Variants in LINGO2 observed in about 807,000 individuals in gnomAD.
LINGO2 encodes the protein leucine-rich repeat and immunoglobulin-like domain-containing nogo receptor-interacting protein 2.
A neutral mutation model predicts 30.6 loss-of-function variants in LINGO2; 14 were observed. The observed-to-expected ratio is 0.46, with a 90% CI of 0.30 to 0.72. LINGO2 has a LOEUF of 0.72. Among genes scored for constraint, LINGO2 ranks in the 30% least tolerant of loss-of-function variants. LINGO2 has a pLI of 0.07. For synonymous variants in LINGO2, 317 were observed against 288.5 expected (o/e 1.10, Z -1.00); for missense variants, 729 against 751.7 (o/e 0.97, Z 0.35).
At chr9:28,197,711 T>G (rs1032959840) in intron 4 of LINGO2, among the ~76,000 whole-genome samples, 2 of 151,796 alleles carry the variant, frequency 1.3e-5, no homozygotes, top group African/African-American at 4.8e-5. Flanking sequence ...GTAAATGAAA[T>G]TTAGAAAAAT....
intron 4 of LINGO2, among the ~76,000 whole-genome samples, chr9:28,196,060 T>G (rs1318685998): frequency 6.6e-6 from 1 of 151,644 alleles, no homozygotes; most frequent in Admixed American, 6.6e-5. Context: ...TTTCTACTGA[T>G]GCAGATAAGT....
the LINGO2 span, among the ~76,000 whole-genome samples, chr9:28,854,480 T>G: frequency 2.0e-5 from 3 of 152,006 alleles, no homozygotes; most frequent in Non-Finnish European, 4.4e-5. Flanking sequence ...TAGATGAGCT[T>G]ATACATTGAA....
chr9:28,629,305 A>T lies in LINGO2; in HGVS notation c.-365+40895T>A, dbSNP rs546658660. On this transcript the variant is annotated intron_variant, in intron 1 of 5. Coordinates refer to ENST00000379992, the Ensembl canonical transcript of LINGO2. ...CCAGGGCACAGAGAATGTATTATAA[A>T]CTGTGCTGAGCTACTTAAATGTATT... is the stretch of plus-strand genomic sequence containing the variant. 7.2e-5 allele frequency among the ~76,000 whole-genome samples: 11 copies of T among 152,198 alleles called. No individual in the cohort carries two copies. The South Asian group carries it at 2.3e-3, about 32-fold the overall frequency.
chr9:28,360,978 T>C (rs1348283942), intron 3 of LINGO2, among the ~76,000 whole-genome samples: 1 of 152,202 alleles, frequency 6.6e-6, no homozygotes, highest in Non-Finnish European at 1.5e-5. Context: ...CAGTTACCCA[T>C]GGTCAACAGC....
chr9:28,639,737 T>G (rs13285408), intron 1 of LINGO2, among the ~76,000 whole-genome samples: 2 of 152,134 alleles, frequency 1.3e-5, no homozygotes, highest in African/African-American at 2.4e-5. Flanking sequence ...GTGGGTCTCC[T>G]GAATATAGCA....
In LINGO2 at chr9:28,632,509, TTC is replaced by T. The variant is rs200594096; in HGVS notation, c.-365+37689_-365+37690del. Among the ~76,000 whole-genome samples the T allele has an allele frequency of 3.4e-3, 511 of 149,810 alleles. 6 individuals are homozygous for T. The highest frequency in any genetic ancestry group is 0.012 in the African/African-American group (495 of 40,980). ...GGTTCTCTTAGAGAGACAGAACTAA[TTC>T]TCTCTCTCTCGATATATAATATATA... is the stretch of plus-strand genomic sequence containing the variant. On this transcript the variant is annotated intron_variant, in intron 1 of 5. Coordinates refer to ENST00000379992, the Ensembl canonical transcript of LINGO2.
chr9:28,060,921 T>G (rs1281015925), intron 4 of LINGO2, among the ~76,000 whole-genome samples: 2 of 152,066 alleles, frequency 1.3e-5, no homozygotes, highest in Non-Finnish European at 2.9e-5. Flanking sequence ...ACGCTGTTTC[T>G]TCTTATAGGA....
intron 3 of LINGO2, among the ~76,000 whole-genome samples, chr9:28,307,464 A>G (rs961290367): frequency 2.0e-5 from 3 of 152,162 alleles, no homozygotes; most frequent in Non-Finnish European, 2.9e-5. Context: ...CAAACCCACA[A>G]CCAATATCAT....
chr9:28,025,019 G>C (rs940099469), intron 4 of LINGO2, among the ~76,000 whole-genome samples: 1 of 152,194 alleles, frequency 6.6e-6, no homozygotes, highest in Admixed American at 6.5e-5. Context: ...CTCAAAGGCA[G>C]TAATCATTTC....
chr9:29,115,802 C>G, the LINGO2 span, among the ~76,000 whole-genome samples: 17 of 152,072 alleles, frequency 1.1e-4, no homozygotes, highest in Middle Eastern at 3.4e-3. Flanking sequence ...ACACACATCA[C>G]ATTTTCAGAA....
At chr9:28,934,031 G>A in the LINGO2 span, among the ~76,000 whole-genome samples, 1 of 152,174 alleles carries the variant, frequency 6.6e-6, no homozygotes, top group Non-Finnish European at 1.5e-5. Flanking sequence ...AGGGACATAA[G>A]GTATAGGGGT....
In LINGO2 at chr9:28,481,285, T is replaced by C. The variant is rs1468867003; in HGVS notation, c.-364-5260A>G. Reference sequence around the variant, plus strand: ...AATTATTAATATCCATATTTTGTAATGAGACAATTGAAACATGGAGATGTT... The same window carrying C: ...AATTATTAATATCCATATTTTGTAACGAGACAATTGAAACATGGAGATGTT... On this transcript the variant is annotated intron_variant, in intron 1 of 5. Transcript: ENST00000379992. Among the ~76,000 whole-genome samples the C allele has an allele frequency of 2.0e-5, 3 of 152,288 alleles. No individual in the cohort carries two copies. The East Asian group carries it at 5.8e-4, about 29-fold the overall frequency.
At chr9:28,646,294 G>A (rs1563889949) in intron 1 of LINGO2, among the ~76,000 whole-genome samples, 1 of 152,020 alleles carries the variant, frequency 6.6e-6, no homozygotes, top group South Asian at 2.1e-4. Context: ...CCATTGGCTG[G>A]AATCTCATTT....
intron 4 of LINGO2, among the ~76,000 whole-genome samples, chr9:28,233,061 T>TATATATATATATA (rs60875467): frequency 4.2e-5 from 5 of 118,804 alleles, no homozygotes; most frequent in East Asian, 2.4e-4. Context: ...TATATATATA[T>TATATATATATATA]TAGATATATA....
At chr9:28,000,674 T>C (rs1821903431) in intron 5 of LINGO2, among the ~76,000 whole-genome samples, 1 of 152,200 alleles carries the variant, frequency 6.6e-6, no homozygotes, top group Admixed American at 6.5e-5. Context: ...TATAGAGCAA[T>C]AGTTCTGACG....
chr9:28,857,735 T>C, the LINGO2 span, among the ~76,000 whole-genome samples: 1 of 152,084 alleles, frequency 6.6e-6, no homozygotes, highest in African/African-American at 2.4e-5. Context: ...GTAAAATATG[T>C]ATAAAATTCT....
chr9:27,949,497 G>C, exon 6 of LINGO2: 1 of 1,614,126 alleles, frequency 6.2e-7, no homozygotes, highest in East Asian at 2.2e-5. Flanking sequence ...ATCCTTGAAA[G>C]ACCTCTCACG....
chr9:28,636,571 C>T (rs1210859962), intron 1 of LINGO2, among the ~76,000 whole-genome samples: 2 of 152,124 alleles, frequency 1.3e-5, no homozygotes, highest in Non-Finnish European at 2.9e-5. Context: ...TCTCTGATGG[C>T]CAGTGAGGAT....
the LINGO2 span, among the ~76,000 whole-genome samples, chr9:28,753,499 A>G: frequency 6.6e-6 from 1 of 152,008 alleles, no homozygotes; most frequent in African/African-American, 2.4e-5. Flanking sequence ...AGCAGTTAAT[A>G]CCTTCCACGG....
Sources: gnomAD v4.1 joint callset for allele counts (sites outside exome capture counted in the v4.1 genomes callset) on GRCh38, gnomAD v4.1.1 for gene constraint, MANE v1.5 for transcripts, NCBI Gene and HGNC (gene_info 2026-07-23, HGNC 2026-07-21) for gene names.